The following TTBK2 variants were observed in gnomAD, a reference collection of about 807,000 sequenced individuals.
TTBK2 encodes the protein tau tubulin kinase 2.
A neutral mutation model predicts 110.8 loss-of-function variants in TTBK2; 28 were observed. The observed-to-expected ratio is 0.25, with a 90% CI of 0.19 to 0.35. TTBK2 has a LOEUF of 0.35. Ranked by LOEUF, TTBK2 falls within the 10% of genes least tolerant of loss-of-function variation. The pLI is 1.00. For missense variants in TTBK2, 1,369 were observed against 1,500.3 expected (o/e 0.91, Z 1.45); for synonymous variants, 532 against 527.3 (o/e 1.01, Z -0.12).
chr15:42,873,216 G>A (rs1894680814), intron 2 of TTBK2, among the ~76,000 whole-genome samples: 1 of 152,156 alleles, frequency 6.6e-6, no homozygotes, highest in Non-Finnish European at 1.5e-5. Context: ...CGGCTCACTT[G>A]AAGTCAGGAG....
chr15:42,855,984 G>A (rs1893927012), intron 3 of TTBK2, among the ~76,000 whole-genome samples: 1 of 152,122 alleles, frequency 6.6e-6, no homozygotes, highest in African/African-American at 2.4e-5. Flanking sequence ...GCCCAGCCAA[G>A]ACCACAACTT....
chr15:42,775,388 T>A lies in TTBK2; in HGVS notation c.1745A>T (p.Glu582Val), dbSNP rs1325326966. Residue 582 changes from glutamate (E) to valine (V), a missense_variant, in exon 13 of 15, where the codon GAG becomes GTG. By Grantham distance (121) the Glu-to-Val change is moderately radical. Around this residue, in one of 4 missense-constraint regions of TTBK2, gnomAD observed 1,097 missense variants for 1,114.7 expected, o/e 0.98. Coordinates refer to ENST00000267890, the MANE Select transcript of TTBK2 (RefSeq NM_173500.4). The stretch of plus-strand genomic sequence containing the variant: ...CTCCAGGACTTGAAGTACTTCAGGC[T>A]CCTCATCAGAAGGACTTCCAGTTGT... ...HKTTGSPSDE[E>V]PEVLQVLEAS... 8 of 1,614,114 alleles carry A rather than the reference T, an allele frequency of 5.0e-6. No homozygotes were observed. Among genetic ancestry groups the A allele is most frequent in the Non-Finnish European group, 6.8e-6 (8 of 1,180,046 alleles).
chr15:42,784,335 T>G (rs1890313668), intron 10 of TTBK2, among the ~76,000 whole-genome samples: 1 of 152,100 alleles, frequency 6.6e-6, no homozygotes, highest in African/African-American at 2.4e-5. Flanking sequence ...TGGAGTGCAG[T>G]GACGCGATCT....
chr15:42,888,309 T>C (rs1284516943), intron 1 of TTBK2, among the ~76,000 whole-genome samples: 1 of 152,136 alleles, frequency 6.6e-6, no homozygotes, highest in Non-Finnish European at 1.5e-5. Flanking sequence ...ATTACCATTA[T>C]TCCTGGCCCG....
chr15:42,852,476 T>C (rs1893759476), intron 3 of TTBK2, among the ~76,000 whole-genome samples: 1 of 152,234 alleles, frequency 6.6e-6, no homozygotes, highest in Non-Finnish European at 1.5e-5. Context: ...CTTTTCTGAC[T>C]CCTCTGATTC....
chr15:42,885,116 G>C (rs2141149073), intron 1 of TTBK2, among the ~76,000 whole-genome samples: 1 of 152,250 alleles, frequency 6.6e-6, no homozygotes, highest in Admixed American at 6.5e-5. Flanking sequence ...CCTGCACCTA[G>C]GTGAAATAAA....
intron 9 of TTBK2, among the ~76,000 whole-genome samples, chr15:42,804,592 A>G (rs547190068): frequency 6.6e-6 from 1 of 152,222 alleles, no homozygotes; most frequent in Non-Finnish European, 1.5e-5. Context: ...TGCTATTTCT[A>G]CTAAAGAAGA....
intron 3 of TTBK2, chr15:42,871,488 G>C: frequency 1.0e-6 from 1 of 985,288 alleles, no homozygotes; most frequent in African/African-American, 1.7e-5. Context: ...AGGTGAAGTG[G>C]CACTATCCAC....
chr15:42,760,460 A>C (rs115707383), intron 13 of TTBK2, among the ~76,000 whole-genome samples: 1,686 of 152,146 alleles, frequency 0.011, 29 homozygotes, highest in African/African-American at 0.038. Context: ...TCAACAACAG[A>C]CTAGACCAGG....
At chr15:42,760,319 A>G (rs1193480494) in intron 13 of TTBK2, among the ~76,000 whole-genome samples, 1 of 142,030 alleles carries the variant, frequency 7.0e-6, no homozygotes, top group Non-Finnish European at 1.5e-5. Context: ...CAGGAGGCAG[A>G]GGTTGCAGTG....
intron 9 of TTBK2, among the ~76,000 whole-genome samples, chr15:42,798,889 G>C (rs889270027): frequency 6.6e-6 from 1 of 152,116 alleles, no homozygotes; most frequent in Admixed American, 6.5e-5. Context: ...ACTTGAAGAA[G>C]GTAATGAACA....
intron 13 of TTBK2, among the ~76,000 whole-genome samples, chr15:42,761,112 G>A (rs1405925830): frequency 6.6e-6 from 1 of 152,128 alleles, no homozygotes; most frequent in African/African-American, 2.4e-5. Flanking sequence ...ATGATGCTGG[G>A]AAAACTGGAT....
chr15:42,918,824 T>C (rs2031222664), intron 1 of TTBK2, among the ~76,000 whole-genome samples: 1 of 152,176 alleles, frequency 6.6e-6, no homozygotes, highest in South Asian at 2.1e-4. Flanking sequence ...TACAACAATC[T>C]AAAGTCATAT....
chr15:42,906,571 A>T (rs1223086272), intron 1 of TTBK2, among the ~76,000 whole-genome samples: 3 of 152,190 alleles, frequency 2.0e-5, no homozygotes, highest in Non-Finnish European at 2.9e-5. Flanking sequence ...GAAACTCTGA[A>T]ACTACTAGAA....
intron 6 of TTBK2, among the ~76,000 whole-genome samples, chr15:42,818,909 C>G (rs1892162632): frequency 2.8e-5 from 4 of 142,514 alleles, no homozygotes; most frequent in Admixed American, 2.8e-4. Flanking sequence ...GGCGACAGAG[C>G]GAGACTCCGT....
chr15:42,854,764 G>A (rs577216863), intron 3 of TTBK2, among the ~76,000 whole-genome samples: 5 of 152,004 alleles, frequency 3.3e-5, no homozygotes, highest in Non-Finnish European at 5.9e-5. Flanking sequence ...CTTGGGACTC[G>A]GAGCCTTAGT....
At chr15:42,803,381 GCAATCCAT>G (rs1891307624) in intron 9 of TTBK2, among the ~76,000 whole-genome samples, 1 of 152,190 alleles carries the variant, frequency 6.6e-6, no homozygotes. Context: ...TGTCGTATAT[GCAATCCAT>G]CATTGACTGA....
At chr15:42,880,303 T>C (rs994412395) in intron 1 of TTBK2, among the ~76,000 whole-genome samples, 5 of 152,190 alleles carry the variant, frequency 3.3e-5, no homozygotes, top group African/African-American at 9.6e-5. Context: ...TAATAAAAGG[T>C]CAATCAATTC....
At chr15:42,758,304 A>G (rs974016401) in intron 13 of TTBK2, among the ~76,000 whole-genome samples, 1 of 152,212 alleles carries the variant, frequency 6.6e-6, no homozygotes, top group Non-Finnish European at 1.5e-5. Context: ...TAGCCATTCA[A>G]ATTCTACCAT....
Sources: allele counts gnomAD v4.1 joint callset (sites outside exome capture counted in the v4.1 genomes callset), GRCh38; gene constraint gnomAD v4.1.1; regional missense constraint gnomAD v4.1.1; transcripts MANE v1.5; gene names NCBI Gene and HGNC (gene_info 2026-07-23, HGNC 2026-07-21).